DLGAP4: variants seen among roughly 807,000 people sequenced by gnomAD.
DLGAP4 encodes the protein disks large-associated protein 4.
DLGAP4 carries 18 observed loss-of-function variants against 86.9 expected under a neutral mutation model. The observed-to-expected ratio is 0.21, with a 90% confidence interval of 0.14 to 0.31. The LOEUF is 0.31. Among genes scored for constraint, DLGAP4 ranks in the 10% least tolerant of loss-of-function variants. The probability of loss-of-function intolerance (pLI) is 1.00; values close to 1 mark genes in which losing one functional copy is unlikely to be tolerated. For missense variants in DLGAP4, 1,085 were observed against 1,362.6 expected, an observed-to-expected ratio of 0.80 and a Z score of 3.21; for synonymous variants, 548 against 574.3, an observed-to-expected ratio of 0.95 and a Z score of 0.65.
intron 2 of DLGAP4, among the ~76,000 whole-genome samples, chr20:36,410,038 A>C: frequency 6.6e-6 from 1 of 151,822 alleles, no homozygotes; most frequent in Non-Finnish European, 1.5e-5. Context: ...CGTCTCAAAA[A>C]AAAAAAAAAA....
rs375816533 is a variant in DLGAP4 at position 36,416,990 on chromosome 20, G to A, written c.-72-14656G>A. On this transcript the variant is annotated intron_variant, in intron 2 of 12. Transcript: ENST00000339266. ...CTACGCTTAGCACCAGGGATAGAGTGGAAAATGAAACAGGTGCGGTCCCTC... is the reference window on the plus strand; with the variant it reads ...CTACGCTTAGCACCAGGGATAGAGTAGAAAATGAAACAGGTGCGGTCCCTC... Among the ~76,000 whole-genome samples the A allele has an allele frequency of 2.3e-4, 35 of 152,298 alleles. 1 individual carries two copies. The highest frequency in any genetic ancestry group is 1.9e-3 in the East Asian group (10 of 5,170).
At position 36,464,302 on chromosome 20, in the gene DLGAP4, G is replaced by A. The variant is rs1026490761; in HGVS notation, c.1648+17365G>A. On this transcript the variant is annotated intron_variant, in intron 7 of 12. Coordinates refer to ENST00000339266, the MANE Select transcript of DLGAP4 (RefSeq NM_001365621.2). ...ATTGTGTGAGCAGCGGCTCACTCCT[G>A]TAATCCTAGCACTTTGGGAGGCCAA... Among the ~76,000 whole-genome samples, 14 of 152,348 alleles carry A rather than the reference G, an allele frequency of 9.2e-5. No homozygotes were observed. The East Asian group carries it at 2.7e-3, about 29-fold the overall frequency.
intron 7 of DLGAP4, among the ~76,000 whole-genome samples, chr20:36,463,020 G>A (rs1334963825): frequency 1.3e-5 from 2 of 149,096 alleles, no homozygotes; most frequent in Non-Finnish European, 3.0e-5. Flanking sequence ...TGGGGGTGGG[G>A]TCAGCCTCCT....
chr20:36,464,002 T>C (rs909207001), intron 7 of DLGAP4, among the ~76,000 whole-genome samples: 1 of 152,214 alleles, frequency 6.6e-6, no homozygotes, highest in Admixed American at 6.5e-5. Context: ...GTCATGCTGT[T>C]ATCACCTGCC....
chr20:36,511,099 A>G (rs1271573786), intron 10 of DLGAP4: 2 of 152,236 alleles, frequency 1.3e-5, no homozygotes, highest in Non-Finnish European at 2.9e-5. Flanking sequence ...GAATCTTCTC[A>G]ACTATAAGTC....
chr20:36,471,483 G>T (rs765745228), intron 7 of DLGAP4, among the ~76,000 whole-genome samples: 8 of 152,094 alleles, frequency 5.3e-5, no homozygotes, highest in African/African-American at 1.9e-4. Flanking sequence ...GACAGAGCAA[G>T]ACTCCATCTC....
At chr20:36,399,468 T>C (rs1440649400) in intron 2 of DLGAP4, among the ~76,000 whole-genome samples, 1 of 152,226 alleles carries the variant, frequency 6.6e-6, no homozygotes, top group Non-Finnish European at 1.5e-5. Context: ...GCTCTGCCTG[T>C]GTCTGTCATT....
chr20:36,504,049 C>G (rs956487116), intron 10 of DLGAP4, among the ~76,000 whole-genome samples: 6 of 152,166 alleles, frequency 3.9e-5, no homozygotes, highest in African/African-American at 1.4e-4. Context: ...AGTAGAAATG[C>G]TAGGTCAAAC....
intron 4 of DLGAP4, among the ~76,000 whole-genome samples, chr20:36,437,099 G>A (rs147697115): frequency 3.1e-4 from 47 of 152,284 alleles, no homozygotes; most frequent in African/African-American, 1.1e-3. Context: ...TCAGATCCAG[G>A]TGAACTCACT....
chr20:36,401,718 A>G (rs1006278186), intron 2 of DLGAP4, among the ~76,000 whole-genome samples: 1 of 152,222 alleles, frequency 6.6e-6, no homozygotes, highest in Non-Finnish European at 1.5e-5. Context: ...CAATAAGCAC[A>G]TAAATGAAGA....
At chr20:36,506,431 A>G (rs1369217746) in intron 10 of DLGAP4, among the ~76,000 whole-genome samples, 1 of 152,176 alleles carries the variant, frequency 6.6e-6, no homozygotes, top group Admixed American at 6.5e-5. Flanking sequence ...GTTGAACATG[A>G]ACTCTAGAGG....
chr20:36,467,273 C>T (rs2034459932), intron 7 of DLGAP4, among the ~76,000 whole-genome samples: 1 of 152,188 alleles, frequency 6.6e-6, no homozygotes, highest in African/African-American at 2.4e-5. Context: ...GAGCATGAGC[C>T]AGAGGAAACA....
At position 36,526,983 on chromosome 20, in the gene DLGAP4, C is replaced by A; in HGVS notation, c.2931C>A (p.Ser977Arg). 9 of 1,612,310 alleles carry A rather than the reference C, an allele frequency of 5.6e-6. No individual in the cohort carries two copies. Among genetic ancestry groups the A allele is most frequent in the Non-Finnish European group, 7.6e-6 (9 of 1,179,188 alleles). ...TGCGGCAGAACTCAGCCACCGAGAG[C>A]GCAGACAGCATCGAGATTTATGTCC... Reference protein sequence around the residue: ...ASVRQNSATESADSIEIYVPE... With the variant: ...ASVRQNSATERADSIEIYVPE... The change falls in exon 13 of 13, where the codon AGC becomes AGA. Residue 977 changes from serine to arginine, a missense_variant. Coordinates refer to ENST00000339266, the MANE Select transcript of DLGAP4 (RefSeq NM_001365621.2).
intron 7 of DLGAP4, among the ~76,000 whole-genome samples, chr20:36,463,887 G>A (rs533659614): frequency 1.3e-5 from 2 of 152,288 alleles, no homozygotes; most frequent in East Asian, 3.9e-4. Flanking sequence ...CAAGCGCCTT[G>A]TCTTACAGAT....
chr20:36,429,390 CT>C (rs1462843213), intron 2 of DLGAP4, among the ~76,000 whole-genome samples: 2 of 121,838 alleles, frequency 1.6e-5, no homozygotes, highest in African/African-American at 6.2e-5. Flanking sequence ...ATTCCTGTTT[CT>C]TTTTTTCTTT....
chr20:36,461,772 CGCTTCCGT>C lies in DLGAP4; in HGVS notation c.1648+14836_1648+14843del, dbSNP rs2034086374. On this transcript the variant is annotated intron_variant, in intron 7 of 12. Coordinates refer to ENST00000339266, the MANE Select transcript of DLGAP4 (RefSeq NM_001365621.2). ...GTCCGCCCGCCCGCCCGCCCGCCCG[CGCTTCCGT>C]CCTGTCCAGCCGCCAGTCCTCCAGC... The C allele has an allele frequency of 3.2e-6, 3 of 925,550 alleles. No homozygotes were observed. In the South Asian group the frequency reaches 1.4e-4, roughly 44 times the overall value. 57.3% of individuals were successfully genotyped at this position (925,550 alleles called of 1,614,324 possible). A position where few individuals can be genotyped will look rare whatever the true frequency, so the allele number is the denominator to read the frequency against.
At chr20:36,359,580 G>T (rs1175998419) in intron 1 of DLGAP4, among the ~76,000 whole-genome samples, 1 of 152,128 alleles carries the variant, frequency 6.6e-6, no homozygotes, top group Non-Finnish European at 1.5e-5. Context: ...GTAGCCTGAG[G>T]CAAAGGAACT....
intron 1 of DLGAP4, among the ~76,000 whole-genome samples, chr20:36,317,171 T>G (rs1209999497): frequency 6.6e-6 from 1 of 151,910 alleles, no homozygotes; most frequent in Admixed American, 6.6e-5. Context: ...TTTCTCTCCT[T>G]CCTTCCTTTC....
intron 10 of DLGAP4, among the ~76,000 whole-genome samples, chr20:36,519,491 T>C (rs2037243881): frequency 6.6e-6 from 1 of 152,202 alleles, no homozygotes; most frequent in Non-Finnish European, 1.5e-5. Context: ...AGTCTATTCA[T>C]CTATTGACAG....
Sources: gnomAD v4.1 joint callset for allele counts (sites outside exome capture counted in the v4.1 genomes callset) on GRCh38, gnomAD v4.1.1 for gene constraint, MANE v1.5 for transcripts, NCBI Gene and HGNC (gene_info 2026-07-23, HGNC 2026-07-21) for gene names.